Variants in CLDN15 observed in about 807,000 individuals in gnomAD.
CLDN15 encodes the protein claudin-15.
In CLDN15, 9 loss-of-function variants were observed where a neutral mutation model predicts 24.5. The ratio of observed to expected loss-of-function variants is 0.37; its 90% CI spans 0.22 to 0.64. The LOEUF (loss-of-function observed/expected upper bound fraction) is 0.64, where lower values mean the gene tolerates loss of function less well. Among genes scored for constraint, CLDN15 ranks in the 30% least tolerant of loss-of-function variants. The probability of loss-of-function intolerance (pLI) is 0.63; values close to 1 mark genes in which losing one functional copy is unlikely to be tolerated. For synonymous variants in CLDN15, 149 were observed against 131.4 expected (o/e 1.13, Z -0.92); for missense variants, 248 against 305.9 (o/e 0.81, Z 1.41).
intron 2 of CLDN15, 45 bp downstream of exon 2, chr7:101,234,232 TC>T (rs762806098): frequency 6.9e-7 from 1 of 1,457,368 alleles, no homozygotes; most frequent in South Asian, 1.1e-5. Context: ...CAGCCTGAAG[TC>T]TGCGGTTGAG....
chr7:101,235,735 C>G (rs1798608490), intron 1 of CLDN15, among the ~76,000 whole-genome samples: 1 of 152,114 alleles, frequency 6.6e-6, no homozygotes, highest in Admixed American at 6.5e-5. Flanking sequence ...TTTCTTCCTC[C>G]CAGCCACTCC....
At chr7:101,234,915 G>A (rs573262389) in intron 1 of CLDN15, among the ~76,000 whole-genome samples, 8 of 152,198 alleles carry the variant, frequency 5.3e-5, no homozygotes, top group African/African-American at 1.9e-4. Context: ...TTTCTCCTGG[G>A]CACTCTTGAC....
chr7:101,232,552 CCCT>C lies in CLDN15; in HGVS notation c.582-40_582-38del, dbSNP rs755546792. Reference sequence around the variant, plus strand: ...GCCCGGGGTCAGAGCGGGGGCGCGGCCCTCCTCTCTCCAATCCCGCCCGGCCCC... The same window carrying C: ...GCCCGGGGTCAGAGCGGGGGCGCGGCCCTCTCTCCAATCCCGCCCGGCCCC... On this transcript the variant is annotated intron_variant, in intron 4 of 4. Coordinates refer to ENST00000308344, the MANE Select transcript of CLDN15 (RefSeq NM_014343.3). 7.5e-6 allele frequency: 12 copies of C among 1,593,564 alleles called. No homozygotes were observed. The South Asian group carries it at 1.1e-4, about 15-fold the overall frequency.
In CLDN15 at chr7:101,237,441, G is replaced by A; in HGVS notation, c.141C>T (p.Asn47=). The A allele has an allele frequency of 6.2e-7, 1 of 1,614,012 alleles. No homozygotes were observed. ...NVITTNTIFE[N]LWFSCATDSL... is the part of the protein sequence containing the mutation. ...AGTCGGTGGCACAGCTAAACCAGAG[G>A]TTCTCGAAGATGGTGTTGGTGGTGA... Residue 47 remains asparagine, a synonymous_variant, in exon 1 of 5, where the codon AAC becomes AAT. Coordinates refer to ENST00000308344, the MANE Select transcript of CLDN15 (RefSeq NM_014343.3). The surrounding 1 kb of genome is among the most constrained non-coding windows in gnomAD (Gnocchi z 4.0).
At chr7:101,234,019 C>A in intron 2 of CLDN15, 4 of 673,360 alleles carry the variant, frequency 5.9e-6, no homozygotes, top group Non-Finnish European at 1.1e-5. Flanking sequence ...GGCAGCCGCT[C>A]ACTCTTATCT....
At chr7:101,238,249 G>C (rs1798673027), upstream of CLDN15, 1 of 155,182 alleles carries the variant, frequency 6.4e-6, no homozygotes, top group African/African-American at 2.4e-5. Flanking sequence ...GGGAGGGTAG[G>C]AGACCCACAG....
At chr7:101,236,128 C>T (rs1246058416) in intron 1 of CLDN15, among the ~76,000 whole-genome samples, 1 of 152,200 alleles carries the variant, frequency 6.6e-6, no homozygotes, top group Non-Finnish European at 1.5e-5. Flanking sequence ...TGCAGGCTCA[C>T]AGCAGAGCCC....
In CLDN15 at chr7:101,237,064, G is replaced by A. The variant is rs1798642074; in HGVS notation, c.217+301C>T. The stretch of plus-strand genomic sequence containing the variant: ...CTGGGACTCTCACCCTAACCCTACA[G>A]GTGGGAGATGAAGCTGGTTTCATCA... On this transcript the variant is annotated intron_variant, in intron 1 of 4. Coordinates refer to ENST00000308344, the MANE Select transcript of CLDN15 (RefSeq NM_014343.3). This position sits in a 1 kb window ranked among gnomAD's most constrained non-coding sequence, Gnocchi z 4.0. Among the ~76,000 whole-genome samples the A allele has an allele frequency of 6.6e-6, 1 of 152,106 alleles. No individual in the cohort carries two copies. The highest frequency in any genetic ancestry group is 2.4e-5 in the African/African-American group (1 of 41,422).
At chr7:101,238,481 C>G (rs1798678300), upstream of CLDN15, 1 of 152,314 alleles carries the variant, frequency 6.6e-6, no homozygotes, top group African/African-American at 2.4e-5. Context: ...ATTGCTTGAA[C>G]TCAGGAGTTC....
Position 101,234,331 on chromosome 7 carries a change from A to G in CLDN15, c.329T>C (p.Leu110Pro). ...LRCTNIGGLE[L>P]SRKAKLAATA... Reference sequence around the variant, plus strand: ...GGCCGCCAGCTTGGCTTTCCTGGAGAGCTCCAGGCCCCCAATGTTGGTGCA... The same window carrying G: ...GGCCGCCAGCTTGGCTTTCCTGGAGGGCTCCAGGCCCCCAATGTTGGTGCA... Residue 110 changes from leucine to proline, a missense_variant, in exon 2 of 5, where the codon CTC becomes CCC. Leu to Pro is a moderately conservative substitution (Grantham distance 98, BLOSUM62 -3). Coordinates refer to ENST00000308344, the MANE Select transcript of CLDN15 (RefSeq NM_014343.3). 3 of 1,611,302 alleles carry G rather than the reference A, an allele frequency of 1.9e-6. No individual in the cohort carries two copies. The highest frequency in any genetic ancestry group is 2.5e-6 in the Non-Finnish European group (3 of 1,179,438).
chr7:101,232,947 A>C, intron 2 of CLDN15, 33 bp from the exon 3 acceptor site: 1 of 874,084 alleles, frequency 1.1e-6, no homozygotes, highest in Non-Finnish European at 1.7e-6. Context: ...AGTCCAGTCC[A>C]GGGGGAGGGA....
At chr7:101,237,946 C>T (rs1798668134), upstream of CLDN15, 1 of 327,946 alleles carries the variant, frequency 3.0e-6, no homozygotes, top group South Asian at 2.9e-5. This position sits in a 1 kb window ranked among gnomAD's most constrained non-coding sequence, Gnocchi z 4.0. Context: ...ACCCTGGAGC[C>T]ACTGACGGAT....
chr7:101,237,835 G>A (rs1798664762), upstream of CLDN15: 4 of 535,724 alleles, frequency 7.5e-6, no homozygotes, highest in Non-Finnish European at 1.4e-5. The surrounding 1 kb of genome is among the most constrained non-coding windows in gnomAD (Gnocchi z 4.0). Context: ...CTGTTGACGA[G>A]ATGGAGGGAA....
chr7:101,237,869 AC>A (rs1798665798), upstream of CLDN15: 5 of 415,756 alleles, frequency 1.2e-5, no homozygotes, highest in African/African-American at 4.1e-5. This position sits in a 1 kb window ranked among gnomAD's most constrained non-coding sequence, Gnocchi z 4.0. Context: ...CCAAAAGTCC[AC>A]CCCCTCCCCC....
intron 2 of CLDN15, 69 bp from the exon 3 acceptor site, chr7:101,232,983 A>T: frequency 9.1e-7 from 1 of 1,103,420 alleles, no homozygotes; most frequent in Non-Finnish European, 1.4e-6. Flanking sequence ...CTTAGGGGAG[A>T]GGCAGGCAGG....
Position 101,232,491 on chromosome 7 carries a change from T to C in CLDN15, c.606A>G (p.Pro202=), listed in dbSNP as rs1047319. The C allele has an allele frequency of 2.5e-6, 4 of 1,612,952 alleles. No individual in the cohort carries two copies. The highest frequency in any genetic ancestry group is 2.7e-5 in the African/African-American group (2 of 74,876). Reference sequence around the variant, plus strand: ...AGGTGGCGACGGGCATCACGGACACTGGAGCCTGGTAGGGCCGCCGGGCGC... The same window carrying C: ...AGGTGGCGACGGGCATCACGGACACCGGAGCCTGGTAGGGCCGCCGGGCGC... The part of the protein sequence containing the change: ...AASARRPYQA[P]VSVMPVATSD... The change falls in exon 5 of 5, where the codon CCA becomes CCG. Residue 202 remains proline, a synonymous_variant. Transcript: ENST00000308344.
rs1798641012 is a variant in CLDN15, at chr7:101,237,019, C to G, written c.217+346G>C. On this transcript the variant is annotated intron_variant, in intron 1 of 4. Transcript: ENST00000308344. The surrounding 1 kb of genome is among the most constrained non-coding windows in gnomAD (Gnocchi z 4.0). ...GTTAACATCACGCTAACATTCTGCA[C>G]TTTCTCAGTCACCTGTGAACTGGGA... 1 of 422,360 alleles carries G rather than the reference C, an allele frequency of 2.4e-6. No homozygotes were observed. Among genetic ancestry groups the G allele is most frequent in the Middle Eastern group, 7.0e-4 (1 of 1,422 alleles). The allele number at this position is 422,360 out of a possible 1,614,324, so 26.2% of individuals were successfully genotyped here.
chr7:101,233,980 G>T, intron 2 of CLDN15: 1 of 581,704 alleles, frequency 1.7e-6, no homozygotes, highest in Admixed American at 2.2e-5. Flanking sequence ...CCCTAACTCT[G>T]CTCCCCAGCT....
rs58243979 is a variant in CLDN15, at chr7:101,234,879, G to A, written c.218-437C>T. ...CCCACTCCTCCCATGCACCTGGCAC[G>A]CTTTGCTTGTGCCTGGATTACAGGC... On this transcript the variant is annotated intron_variant, in intron 1 of 4. Coordinates refer to ENST00000308344, the MANE Select transcript of CLDN15 (RefSeq NM_014343.3). 7.9e-5 allele frequency among the ~76,000 whole-genome samples: 12 copies of A among 152,010 alleles called. No individual in the cohort carries two copies. In the East Asian group the frequency reaches 1.6e-3, roughly 20 times the overall value.
Sources: allele counts gnomAD v4.1 joint callset (sites outside exome capture counted in the v4.1 genomes callset), GRCh38; gene constraint gnomAD v4.1.1; non-coding constraint Gnocchi (gnomAD v3.1); transcripts MANE v1.5; gene names NCBI Gene and HGNC (gene_info 2026-07-23, HGNC 2026-07-21).